CEP128: variants seen among roughly 807,000 people sequenced by gnomAD.
The protein encoded by CEP128 is centrosomal protein 128, also known as centrosomal protein 128kDa.
Under a neutral mutation model 156.7 loss-of-function variants are expected in CEP128, and 132 were observed. That is an observed-to-expected ratio of 0.84 (90% confidence interval 0.73 to 0.97). The LOEUF is 0.97. Ranked by LOEUF, CEP128 falls within the 50% of genes least tolerant of loss-of-function variation. The pLI, the probability that CEP128 is intolerant of heterozygous loss-of-function variation, is 0.00. For synonymous variants in CEP128, 469 were observed against 448.9 expected (o/e 1.04, Z -0.57); for missense variants, 1,252 against 1,281.9 (o/e 0.98, Z 0.36).
At chr14:80,584,141 AT>A (rs992004088) in intron 19 of CEP128, among the ~76,000 whole-genome samples, 66 of 117,368 alleles carry the variant, frequency 5.6e-4, no homozygotes, top group South Asian at 1.7e-3. Context: ...CGTCCGTGAC[AT>A]TTTTTTTTTT....
intron 19 of CEP128, among the ~76,000 whole-genome samples, chr14:80,660,074 T>A (rs565949615): frequency 6.6e-6 from 1 of 152,184 alleles, no homozygotes; most frequent in South Asian, 2.1e-4. Flanking sequence ...GATAGGGAGG[T>A]CTTCTGTGTA....
At chr14:80,715,611 A>G (rs1897574895) in intron 19 of CEP128, among the ~76,000 whole-genome samples, 1 of 152,170 alleles carries the variant, frequency 6.6e-6, no homozygotes, top group Admixed American at 6.5e-5. Flanking sequence ...TTTCAAACAG[A>G]AGGAGCAAGT....
intron 13 of CEP128, among the ~76,000 whole-genome samples, chr14:80,794,114 T>A (rs1901862383): frequency 6.6e-6 from 1 of 152,166 alleles, no homozygotes; most frequent in Admixed American, 6.5e-5. Context: ...AAGAATGGGT[T>A]CCAGGGGTTG....
rs149756244 is a variant in CEP128, at chr14:80,900,000, G to T, written c.510C>A (p.Asp170Glu). 398 of 1,613,230 alleles carry T rather than the reference G, an allele frequency of 2.5e-4. No individual in the cohort carries two copies. In the African/African-American group the frequency reaches 4.9e-3, roughly 20 times the overall value. ...CAAGGCGAATTTGTTCACTGCTGAG[G>T]TCTCGAAGAGACTGATGAAAACCAT... is the stretch of plus-strand genomic sequence containing the variant. ...QLHGFHQSLR[D>E]LSSEQIRLGD... The change falls in exon 7 of 25, where the codon GAC becomes GAA. Residue 170 changes from aspartate to glutamate, a missense_variant. Coordinates refer to ENST00000555265, the MANE Select transcript of CEP128 (RefSeq NM_152446.5).
chr14:80,648,011 A>C (rs1049210966), intron 19 of CEP128, among the ~76,000 whole-genome samples: 2 of 152,120 alleles, frequency 1.3e-5, no homozygotes, highest in Non-Finnish European at 2.9e-5. Context: ...TACTGTAGAT[A>C]ATATAGCTTA....
At position 80,504,938 on chromosome 14, in the gene CEP128, G is replaced by C. The variant is rs770220669; in HGVS notation, c.3155C>G (p.Ser1052Cys). The C allele has an allele frequency of 3.1e-6, 5 of 1,600,566 alleles. No individual in the cohort carries two copies. The highest frequency in any genetic ancestry group is 1.1e-5 in the South Asian group (1 of 89,320). ...SSWQDHSRFL[S>C]SPRFSYVNSF... ...GTTCACGTATGAAAATCTTGGACTA[G>C]ACAGGAAGCGACTGTGATCCTGCCA... The change falls in exon 24 of 25, where the codon TCT (serine) becomes TGT (cysteine). Residue 1052 changes from serine (S) to cysteine (C), a missense_variant. Transcript: ENST00000555265.
At chr14:80,925,186 G>A (rs1449477413) in intron 2 of CEP128, among the ~76,000 whole-genome samples, 1 of 152,072 alleles carries the variant, frequency 6.6e-6, no homozygotes, top group Non-Finnish European at 1.5e-5. Context: ...AACCGGATAT[G>A]TGAGTCTAAG....
chr14:80,781,712 G>A (rs1361802112), intron 15 of CEP128, among the ~76,000 whole-genome samples: 1 of 152,156 alleles, frequency 6.6e-6, no homozygotes, highest in Non-Finnish European at 1.5e-5. Flanking sequence ...TGGCTACATT[G>A]CAAGTTAGCA....
At chr14:80,529,336 T>A (rs1889120136) in intron 22 of CEP128, among the ~76,000 whole-genome samples, 1 of 152,218 alleles carries the variant, frequency 6.6e-6, no homozygotes, top group Admixed American at 6.5e-5. Flanking sequence ...AAAATTTTAC[T>A]ATTTAGGCAT....
At chr14:80,699,300 A>G (rs961712894) in intron 19 of CEP128, among the ~76,000 whole-genome samples, 4 of 152,144 alleles carry the variant, frequency 2.6e-5, no homozygotes, top group Non-Finnish European at 5.9e-5. Context: ...TCCTATCTCT[A>G]TTCAAATAAA....
chr14:80,596,917 T>A (rs761511166), intron 19 of CEP128, among the ~76,000 whole-genome samples: 30 of 140,650 alleles, frequency 2.1e-4, no homozygotes, highest in Non-Finnish European at 3.8e-4. Flanking sequence ...ACAAAGCTGA[T>A]GCAGTTCTGA....
In CEP128 at chr14:80,838,191, T is replaced by C. The variant is rs1886178829; in HGVS notation, c.924+13A>G. ...AATGTAAAAGTATATTATAATAACTTGCATAGACTTACCTGATGCAAAAGT... is the reference window on the plus strand; with the variant it reads ...AATGTAAAAGTATATTATAATAACTCGCATAGACTTACCTGATGCAAAAGT... On this transcript the variant is annotated intron_variant, in intron 11 of 24. Coordinates refer to ENST00000555265, the MANE Select transcript of CEP128 (RefSeq NM_152446.5). 6.3e-7 allele frequency: 1 copy of C among 1,579,868 alleles called. No homozygotes were observed. Among genetic ancestry groups the C allele is most frequent in the Admixed American group, 1.7e-5 (1 of 59,670 alleles).
intron 21 of CEP128, among the ~76,000 whole-genome samples, chr14:80,553,594 T>C (rs960869081): frequency 6.6e-6 from 1 of 152,362 alleles, no homozygotes; most frequent in Non-Finnish European, 1.5e-5. Flanking sequence ...CCCCTTACCT[T>C]GTTCTTCTTC....
chr14:80,551,927 A>G (rs1275863124), intron 21 of CEP128, among the ~76,000 whole-genome samples: 1 of 152,206 alleles, frequency 6.6e-6, no homozygotes, highest in Non-Finnish European at 1.5e-5. Context: ...AGCAGGCACA[A>G]AAATCTTAAA....
At chr14:80,664,634 T>C (rs1435365028) in intron 19 of CEP128, among the ~76,000 whole-genome samples, 1 of 152,222 alleles carries the variant, frequency 6.6e-6, no homozygotes, top group East Asian at 1.9e-4. Context: ...AAATTGATTG[T>C]CCTGGTCACA....
intron 24 of CEP128, among the ~76,000 whole-genome samples, chr14:80,501,305 A>C (rs767456540): frequency 4.6e-5 from 7 of 152,164 alleles, no homozygotes; most frequent in Admixed American, 4.6e-4. Context: ...GAGGCGCAGA[A>C]GATGACTTCA....
chr14:80,746,748 C>G (rs928251853), intron 18 of CEP128, among the ~76,000 whole-genome samples: 1 of 152,096 alleles, frequency 6.6e-6, no homozygotes, highest in Admixed American at 6.5e-5. Flanking sequence ...AATTGAACTT[C>G]TTTGAAATTA....
chr14:80,894,219 AAAG>A (rs1889237542), intron 8 of CEP128, among the ~76,000 whole-genome samples: 1 of 151,980 alleles, frequency 6.6e-6, no homozygotes, highest in Non-Finnish European at 1.5e-5. Context: ...AACAAGAAAA[AAAG>A]AAGACAGAAC....
intron 13 of CEP128, among the ~76,000 whole-genome samples, chr14:80,803,425 T>C (rs1032882965): frequency 2.7e-5 from 4 of 149,364 alleles, no homozygotes; most frequent in Non-Finnish European, 5.9e-5. Flanking sequence ...ACTAAAAGTA[T>C]TAAAAAGAAA....
Sources: allele counts gnomAD v4.1 joint callset (sites outside exome capture counted in the v4.1 genomes callset), GRCh38; gene constraint gnomAD v4.1.1; transcripts MANE v1.5; gene names NCBI Gene and HGNC (gene_info 2026-07-23, HGNC 2026-07-21).